Variants in ADAM23 observed in about 807,000 individuals in gnomAD.
ADAM23 encodes disintegrin and metalloproteinase domain-containing protein 23.
Under a neutral mutation model 120.1 loss-of-function variants are expected in ADAM23, and 33 were observed. The ratio of observed to expected loss-of-function variants is 0.27; its 90% CI spans 0.21 to 0.37. The LOEUF is 0.37. Among genes scored for constraint, ADAM23 ranks in the 10% least tolerant of loss-of-function variants. The pLI is 1.00. For synonymous variants in ADAM23, 367 were observed against 375.2 expected (o/e 0.98, Z 0.25); for missense variants, 862 against 1,058.2 (o/e 0.81, Z 2.57).
At chr2:206,542,390 T>C (rs940932772) in intron 5 of ADAM23, among the ~76,000 whole-genome samples, 1 of 152,164 alleles carries the variant, frequency 6.6e-6, no homozygotes, top group Non-Finnish European at 1.5e-5. Flanking sequence ...GGACAGATGC[T>C]TGTGGAGTGG....
At chr2:206,500,571 T>C (rs2105893222) in intron 3 of ADAM23, among the ~76,000 whole-genome samples, 1 of 152,282 alleles carries the variant, frequency 6.6e-6, no homozygotes, top group South Asian at 2.1e-4. Flanking sequence ...CTATAGGTAA[T>C]ACCTTTCACA....
chr2:206,581,665 C>T (rs1406347123), intron 18 of ADAM23, among the ~76,000 whole-genome samples: 1 of 152,080 alleles, frequency 6.6e-6, no homozygotes, highest in Non-Finnish European at 1.5e-5. Context: ...GGAGAAAGTT[C>T]CATGCACTGT....
chr2:206,604,773 G>A (rs769549902), intron 24 of ADAM23, among the ~76,000 whole-genome samples: 3 of 152,166 alleles, frequency 2.0e-5, no homozygotes, highest in Non-Finnish European at 4.4e-5. Context: ...GCTTTGAGTC[G>A]TGGATCTTTG....
chr2:206,499,712 T>G (rs1485235558), intron 3 of ADAM23, among the ~76,000 whole-genome samples: 1 of 152,148 alleles, frequency 6.6e-6, no homozygotes, highest in African/African-American at 2.4e-5. Flanking sequence ...TAGTTAACTC[T>G]GTTGCTGTGA....
intron 2 of ADAM23, among the ~76,000 whole-genome samples, chr2:206,477,880 T>TTAA (rs1246462569): frequency 9.2e-6 from 1 of 109,210 alleles, no homozygotes; most frequent in African/African-American, 3.9e-5. Context: ...AATATTCTGT[T>TTAA]AAAAAAAAAA....
intron 2 of ADAM23, among the ~76,000 whole-genome samples, chr2:206,465,698 G>A (rs935157942): frequency 6.6e-6 from 1 of 152,064 alleles, no homozygotes; most frequent in Admixed American, 6.5e-5. Flanking sequence ...TGTAAAAATT[G>A]CTCTGTTTGT....
chr2:206,469,782 ATTC>A (rs763466503), intron 2 of ADAM23, among the ~76,000 whole-genome samples: 17 of 152,062 alleles, frequency 1.1e-4, no homozygotes, highest in Admixed American at 3.3e-4. Flanking sequence ...TTTTATTGCT[ATTC>A]TTTGAATACA....
chr2:206,468,306 A>G (rs1198021638), intron 2 of ADAM23, among the ~76,000 whole-genome samples: 1 of 152,096 alleles, frequency 6.6e-6, no homozygotes, highest in Admixed American at 6.6e-5. Flanking sequence ...CATAAGTTCT[A>G]GTTTCAGTTC....
At chr2:206,530,824 T>A in intron 3 of ADAM23, 61 bp from the exon 4 acceptor site, 1 of 1,483,478 alleles carries the variant, frequency 6.7e-7, no homozygotes, top group South Asian at 1.2e-5. Flanking sequence ...ATTGAGCCGA[T>A]TGTTTTTAAA....
chr2:206,510,974 TTC>T (rs2105900242), intron 3 of ADAM23, among the ~76,000 whole-genome samples: 1 of 152,320 alleles, frequency 6.6e-6, no homozygotes, highest in East Asian at 1.9e-4. Flanking sequence ...GAAAGTTCTG[TTC>T]TGTTATATTT....
At chr2:206,568,444 C>A (rs1025177033) in intron 15 of ADAM23, among the ~76,000 whole-genome samples, 1 of 152,118 alleles carries the variant, frequency 6.6e-6, no homozygotes, top group Non-Finnish European at 1.5e-5. Flanking sequence ...GGTAAATATT[C>A]ATAAGTCTTG....
intron 2 of ADAM23, among the ~76,000 whole-genome samples, chr2:206,461,671 G>A (rs571853052): frequency 6.6e-6 from 1 of 152,032 alleles, no homozygotes; most frequent in South Asian, 2.1e-4. Context: ...ATCTGGATGC[G>A]TTTGTTCTCT....
rs1364893221 is a variant in ADAM23, at chr2:206,620,346, G to C, written c.*2719G>C. 6.6e-6 allele frequency: 1 copy of C among 152,088 alleles called. No individual in the cohort carries two copies. Among genetic ancestry groups the C allele is most frequent in the East Asian group, 1.9e-4 (1 of 5,194 alleles). 9.4% of individuals were successfully genotyped at this position (152,088 alleles called of 1,614,324 possible). On this transcript the variant is annotated 3_prime_UTR_variant, in exon 26 of 26. Transcript: ENST00000264377. ...CCTATGCTCCAATGTTAAATTATTT[G>C]TGTATATGTAAAATACACAAGCTTT...
At chr2:206,588,037 A>G (rs2105845627) in intron 19 of ADAM23, 54 bp from the exon 20 acceptor site, 1 of 1,586,454 alleles carries the variant, frequency 6.3e-7, no homozygotes, top group East Asian at 2.2e-5. Flanking sequence ...TAGTAAAAAC[A>G]TTGGGGAAGA....
chr2:206,581,520 T>C (rs1698218513), intron 18 of ADAM23, among the ~76,000 whole-genome samples: 1 of 152,220 alleles, frequency 6.6e-6, no homozygotes, highest in Non-Finnish European at 1.5e-5. Flanking sequence ...TCCACGTATT[T>C]GCATGGTTTT....
At chr2:206,539,856 A>C (rs936131500) in intron 4 of ADAM23, among the ~76,000 whole-genome samples, 2 of 152,226 alleles carry the variant, frequency 1.3e-5, no homozygotes, top group Admixed American at 1.3e-4. Context: ...TAGTAATAAA[A>C]AAATCAGAAA....
intron 3 of ADAM23, among the ~76,000 whole-genome samples, chr2:206,523,744 A>T (rs1256882670): frequency 6.6e-6 from 1 of 152,200 alleles, no homozygotes; most frequent in Non-Finnish European, 1.5e-5. Flanking sequence ...ATACAAGCTT[A>T]TGTTTATATG....
At chr2:206,613,808 G>A (rs1698881583) in intron 25 of ADAM23, among the ~76,000 whole-genome samples, 1 of 152,182 alleles carries the variant, frequency 6.6e-6, no homozygotes, top group South Asian at 2.1e-4. Flanking sequence ...AAAGTGAACA[G>A]GATTGTCTTC....
At chr2:206,522,329 T>C (rs1574511406) in intron 3 of ADAM23, among the ~76,000 whole-genome samples, 1 of 152,302 alleles carries the variant, frequency 6.6e-6, no homozygotes, top group African/African-American at 2.4e-5. Flanking sequence ...ACCAGTCACC[T>C]TACTTAACTG....
Sources: allele counts gnomAD v4.1 joint callset (sites outside exome capture counted in the v4.1 genomes callset), GRCh38; gene constraint gnomAD v4.1.1; transcripts MANE v1.5; gene names NCBI Gene and HGNC (gene_info 2026-07-23, HGNC 2026-07-21).